The following MCPH1 variants were observed in gnomAD, a reference collection of about 807,000 sequenced individuals.
MCPH1 encodes the protein microcephalin 1.
Under a neutral mutation model 84.5 loss-of-function variants are expected in MCPH1, and 104 were observed. That is an observed-to-expected ratio of 1.23 (90% confidence interval 1.05 to 1.45). MCPH1 has a LOEUF of 1.45. Ranked by LOEUF, MCPH1 falls within the 40% of genes most tolerant of loss-of-function variation. MCPH1 has a pLI of 0.00. For synonymous variants in MCPH1, 514 were observed against 366.8 expected, an observed-to-expected ratio of 1.40 and a Z score of -4.58; for missense variants, 1,498 against 1,005.7, an observed-to-expected ratio of 1.49 and a Z score of -6.62.
intron 12 of MCPH1, among the ~76,000 whole-genome samples, chr8:6,553,440 T>A (rs1167551767): frequency 6.6e-6 from 1 of 152,168 alleles, no homozygotes; most frequent in Non-Finnish European, 1.5e-5. Context: ...GAGAATAACT[T>A]CAGAGGCTTG....
At position 6,414,686 on chromosome 8, in the gene MCPH1, G is replaced by A. The variant is rs1218916546; in HGVS notation, c.115-79G>A. 10 of 1,496,042 alleles carry A rather than the reference G, an allele frequency of 6.7e-6. No homozygotes were observed. The East Asian group carries it at 1.9e-4, about 28-fold the overall frequency. 92.7% of individuals were successfully genotyped at this position (1,496,042 alleles called of 1,614,324 possible). ...GATGTTGAGAAACAGAATTGCTGGG[G>A]TAGAGGTTTTTTGATCAGTTGTAGT... is the stretch of plus-strand genomic sequence containing the variant. On this transcript the variant is annotated intron_variant, in intron 2 of 13. Transcript: ENST00000344683.
chr8:6,531,778 C>T (rs372292935), intron 12 of MCPH1, among the ~76,000 whole-genome samples: 7 of 132,794 alleles, frequency 5.3e-5, no homozygotes, highest in East Asian at 4.2e-4. Context: ...GCCATGGCAG[C>T]GCTCAGGGCT....
intron 7 of MCPH1, among the ~76,000 whole-genome samples, chr8:6,442,700 A>G (rs984077144): frequency 1.3e-5 from 2 of 152,196 alleles, no homozygotes; most frequent in Non-Finnish European, 2.9e-5. Flanking sequence ...TTTCATGGTC[A>G]TATCTTCTTC....
At chr8:6,449,069 G>A (rs193188838) in intron 8 of MCPH1, among the ~76,000 whole-genome samples, 1 of 152,124 alleles carries the variant, frequency 6.6e-6, no homozygotes, top group Admixed American at 6.5e-5. Flanking sequence ...GATTGCAAAT[G>A]TTTATTAAGG....
chr8:6,567,028 C>T (rs34188431), intron 12 of MCPH1, among the ~76,000 whole-genome samples: 47 of 139,634 alleles, frequency 3.4e-4, no homozygotes, highest in Non-Finnish European at 6.1e-4. Flanking sequence ...GCACGCGGTG[C>T]GGTGACCATG....
intron 11 of MCPH1, among the ~76,000 whole-genome samples, chr8:6,489,152 G>C (rs1019049356): frequency 6.6e-6 from 1 of 152,150 alleles, no homozygotes; most frequent in African/African-American, 2.4e-5. Flanking sequence ...TTCAAATAGA[G>C]ATACTACATA....
chr8:6,494,707 A>G (rs1435001431), intron 11 of MCPH1, among the ~76,000 whole-genome samples: 1 of 152,194 alleles, frequency 6.6e-6, no homozygotes, highest in African/African-American at 2.4e-5. Context: ...AATCCATAGA[A>G]TAGAAAACTA....
intron 11 of MCPH1, among the ~76,000 whole-genome samples, chr8:6,490,092 C>G (rs776546197): frequency 2.2e-4 from 33 of 150,568 alleles, no homozygotes; most frequent in African/African-American, 7.3e-4. Flanking sequence ...TGCCTTATGA[C>G]TGAGACCTCC....
At chr8:6,555,974 G>A (rs1824540092) in intron 12 of MCPH1, among the ~76,000 whole-genome samples, 1 of 152,168 alleles carries the variant, frequency 6.6e-6, no homozygotes, top group Admixed American at 6.5e-5. Context: ...GAACAAAGCT[G>A]TGCTCTCAGC....
rs547841211 is a variant in MCPH1, at chr8:6,484,382, A to T, written c.2136+3506A>T. Among the ~76,000 whole-genome samples the T allele has an allele frequency of 2.0e-5, 3 of 152,326 alleles. No individual in the cohort carries two copies. In the East Asian group the frequency reaches 5.8e-4, roughly 29 times the overall value. On this transcript the variant is annotated intron_variant, in intron 11 of 13. Transcript: ENST00000344683. ...TCCATTAGAATGGCTAAAAGAAAAA[A>T]TAACAGTCGCACTCTAGCAAGGAGC...
rs566792073 is a variant in MCPH1, at chr8:6,500,119, T to C, written c.2214+190T>C. 1.0e-5 allele frequency: 6 copies of C among 600,436 alleles called. No homozygotes were observed. In the East Asian group the frequency reaches 1.7e-4, roughly 17 times the overall value. The allele number at this position is 600,436 out of a possible 1,614,324, so 37.2% of individuals were successfully genotyped here. ...AACAAATGTGAGAACGTGAGACCAT[T>C]GTGCAAAAAGTAGTGAGGAATGCAG... On this transcript the variant is annotated intron_variant, in intron 12 of 13. Transcript: ENST00000344683.
intron 7 of MCPH1, 150 bp from the exon 8 acceptor site, chr8:6,444,243 T>G: frequency 2.3e-6 from 2 of 882,198 alleles, no homozygotes; most frequent in Non-Finnish European, 3.4e-6. Flanking sequence ...AAATGTACCC[T>G]TAAGTGGAAA....
chr8:6,554,752 G>T (rs1039574647), intron 12 of MCPH1, among the ~76,000 whole-genome samples: 1 of 152,264 alleles, frequency 6.6e-6, no homozygotes, highest in East Asian at 1.9e-4. Flanking sequence ...AGGAGCCCTC[G>T]GAGGGAGCGG....
chr8:6,411,055 A>G (rs1798465655), intron 2 of MCPH1, among the ~76,000 whole-genome samples: 1 of 152,092 alleles, frequency 6.6e-6, no homozygotes, highest in Admixed American at 6.6e-5. Flanking sequence ...GCACCACTGC[A>G]CTCCAGCCTG....
chr8:6,445,623 C>T, intron 8 of MCPH1, 76 bp downstream of exon 8: 1 of 1,505,846 alleles, frequency 6.6e-7, no homozygotes, highest in Middle Eastern at 1.8e-4. Context: ...AAATTTATCA[C>T]AACTTTTTCA....
rs950696532 is a variant in MCPH1 at position 6,625,264 on chromosome 8, G to A, written c.2452+3573G>A. On this transcript the variant is annotated intron_variant, in intron 13 of 13. Coordinates refer to ENST00000344683, the MANE Select transcript of MCPH1 (RefSeq NM_024596.5). ...TTGCTTACCCCACATGCTGGTTAAA[G>A]GAGGAAACACAGAGAGCGCAAATGC... The A allele has an allele frequency of 5.1e-6, 5 of 985,360 alleles. No homozygotes were observed. The African/African-American group carries it at 7.0e-5, about 14-fold the overall frequency. The allele number at this position is 985,360 out of a possible 1,614,324, so 61.0% of individuals were successfully genotyped here.
At chr8:6,599,182 TTGATGTTGTTACG>T (rs1357038110) in intron 12 of MCPH1, among the ~76,000 whole-genome samples, 16 of 152,150 alleles carry the variant, frequency 1.1e-4, no homozygotes, top group Admixed American at 3.9e-4. Context: ...AAAAGAAGCC[TTGATGTTGTTACG>T]TGATTACCTA....
chr8:6,422,387 G>T (rs1046285791), intron 3 of MCPH1, among the ~76,000 whole-genome samples: 1 of 152,172 alleles, frequency 6.6e-6, no homozygotes, highest in African/African-American at 2.4e-5. Flanking sequence ...GGAGGGGAGA[G>T]TGCAGAAACA....
chr8:6,470,278 T>G (rs555856307), intron 9 of MCPH1, among the ~76,000 whole-genome samples: 10 of 151,932 alleles, frequency 6.6e-5, no homozygotes, highest in Non-Finnish European at 1.2e-4. Context: ...TACTTTGGGG[T>G]TTTTTTTATT....
Sources: gnomAD v4.1 joint callset for allele counts (sites outside exome capture counted in the v4.1 genomes callset) on GRCh38, gnomAD v4.1.1 for gene constraint, MANE v1.5 for transcripts, NCBI Gene and HGNC (gene_info 2026-07-23, HGNC 2026-07-21) for gene names.